Variants in RNF144A observed in about 807,000 individuals in gnomAD.
RNF144A encodes ring finger protein 144A, also known as E3 ubiquitin-protein ligase RNF144A.
RNF144A carries 11 observed loss-of-function variants against 38.7 expected under a neutral mutation model. The ratio of observed to expected loss-of-function variants is 0.28; its 90% CI spans 0.18 to 0.47. The LOEUF (loss-of-function observed/expected upper bound fraction) is 0.47, where lower values mean the gene tolerates loss of function less well. RNF144A is among the 20% of genes least tolerant of loss of function. The pLI is 0.99. For synonymous variants in RNF144A, 149 were observed against 143.9 expected, an observed-to-expected ratio of 1.04 and a Z score of -0.25; for missense variants, 316 against 377.2, an observed-to-expected ratio of 0.84 and a Z score of 1.34.
rs766398873 is a variant in RNF144A, at chr2:7,020,647, C to T, written c.476C>T (p.Thr159Ile). 1.9e-6 allele frequency: 3 copies of T among 1,606,320 alleles called. No individual in the cohort carries two copies. Among genetic ancestry groups the T allele is most frequent in the Non-Finnish European group, 2.5e-6 (3 of 1,179,980 alleles). ...CACCCTGGCCAGGGCTGCCCGGAGACCATGCCGATCACCTTCCTCCCCGGG... is the reference window on the plus strand; with the variant it reads ...CACCCTGGCCAGGGCTGCCCGGAGATCATGCCGATCACCTTCCTCCCCGGG... ...SWHPGQGCPETMPITFLPGET... is the reference protein window; with the variant it reads ...SWHPGQGCPEIMPITFLPGET... The change falls in exon 6 of 9, where the codon ACC becomes ATC. Residue 159 changes from threonine to isoleucine, a missense_variant. Physicochemically the swap from Thr to Ile is moderately conservative, Grantham distance 89. Transcript: ENST00000320892.
chr2:7,066,334 A>G lies in RNF144A; in HGVS notation c.735-1882A>G, dbSNP rs568562873. 5.9e-5 allele frequency among the ~76,000 whole-genome samples: 9 copies of G among 152,028 alleles called. No homozygotes were observed. In the East Asian group the frequency reaches 7.8e-4, roughly 13 times the overall value. ...GATCTCCTGACCTCGTGATCTGCCC[A>G]CCTCAGCCTCCCAAAGTGCTGGGAT... On this transcript the variant is annotated intron_variant, in intron 6 of 6. Transcript: ENST00000432850.
intron 5 of RNF144A, among the ~76,000 whole-genome samples, chr2:7,017,254 C>T (rs1016413774): frequency 2.0e-5 from 3 of 152,006 alleles, no homozygotes; most frequent in Non-Finnish European, 4.4e-5. Context: ...CCATGCCAGC[C>T]CAGTGCCTGG....
intron 6 of RNF144A, among the ~76,000 whole-genome samples, chr2:7,056,081 A>G (rs1016663560): frequency 6.6e-6 from 1 of 151,996 alleles, no homozygotes; most frequent in Non-Finnish European, 1.5e-5. Context: ...TCTCACCCAT[A>G]AAACTGATTT....
At chr2:7,036,233 A>G (rs1249031212) in intron 8 of RNF144A, among the ~76,000 whole-genome samples, 2 of 152,232 alleles carry the variant, frequency 1.3e-5, no homozygotes, top group African/African-American at 4.8e-5. Context: ...TCCTTAGGAC[A>G]TCAGCATCTG....
At chr2:6,940,416 G>T (rs934020546) in intron 1 of RNF144A, among the ~76,000 whole-genome samples, 1 of 152,080 alleles carries the variant, frequency 6.6e-6, no homozygotes, top group African/African-American at 2.4e-5. Context: ...ACCATTTAGC[G>T]TAATTACTGA....
chr2:7,070,894 G>A (rs1051236878), downstream of RNF144A, among the ~76,000 whole-genome samples: 2 of 151,584 alleles, frequency 1.3e-5, no homozygotes, highest in Middle Eastern at 3.5e-3. Flanking sequence ...AGAACTGTGT[G>A]CCAATACATT....
rs147256607 is a variant in RNF144A at position 6,959,571 on chromosome 2, G to T, written c.-12+18424G>T. Among the ~76,000 whole-genome samples, 119 of 152,276 alleles carry T rather than the reference G, an allele frequency of 7.8e-4. No individual in the cohort carries two copies. The East Asian group carries it at 0.021, about 27-fold the overall frequency. On this transcript the variant is annotated intron_variant, in intron 2 of 8. Transcript: ENST00000320892. ...GGTGACCTCATGGGGTGGGCTGTTG[G>T]TGAGGGGCCTCACGCGGCATCATAG...
intron 2 of RNF144A, among the ~76,000 whole-genome samples, chr2:6,953,791 A>G (rs1558379842): frequency 6.6e-6 from 1 of 152,172 alleles, no homozygotes; most frequent in Non-Finnish European, 1.5e-5. Context: ...CATATTTTCT[A>G]CATTTTCACT....
intron 8 of RNF144A, 136 bp from the exon 9 acceptor site, chr2:7,039,493 T>G: frequency 2.8e-6 from 4 of 1,424,270 alleles, no homozygotes; most frequent in Non-Finnish European, 3.8e-6. Context: ...GATGGGTAGA[T>G]GGATGGATGG....
intron 2 of RNF144A, among the ~76,000 whole-genome samples, chr2:6,953,063 C>T (rs571271495): frequency 7.2e-5 from 11 of 152,162 alleles, no homozygotes; most frequent in South Asian, 6.2e-4. Context: ...GCTTTTCTTA[C>T]TTTTTCAGCT....
chr2:7,052,902 C>T (rs900376969), intron 6 of RNF144A, among the ~76,000 whole-genome samples: 1 of 152,052 alleles, frequency 6.6e-6, no homozygotes, highest in African/African-American at 2.4e-5. Flanking sequence ...TGGGAAGTTT[C>T]CTTTATTTCG....
In RNF144A at chr2:7,056,812, CT is replaced by C. The variant is rs1321596548; in HGVS notation, c.735-11402del. Among the ~76,000 whole-genome samples, 10 of 152,316 alleles carry C rather than the reference CT, an allele frequency of 6.6e-5. No individual in the cohort carries two copies. In the East Asian group the frequency reaches 1.7e-3, roughly 26 times the overall value. On this transcript the variant is annotated intron_variant, in intron 6 of 6. Transcript: ENST00000432850. Reference sequence around the variant, plus strand: ...TCAATACCTACTTTGGAGGCATCTCCTTGTGGCTTCCTTGTTTGTGTATCTC... The same window carrying C: ...TCAATACCTACTTTGGAGGCATCTCCTGTGGCTTCCTTGTTTGTGTATCTC...
At chr2:6,983,143 T>C (rs1668741630) in intron 2 of RNF144A, among the ~76,000 whole-genome samples, 1 of 152,218 alleles carries the variant, frequency 6.6e-6, no homozygotes, top group Admixed American at 6.5e-5. Flanking sequence ...ACTGCTTCCT[T>C]TGCTAAAGAT....
At chr2:7,032,271 G>A (rs912541535) in intron 8 of RNF144A, among the ~76,000 whole-genome samples, 2 of 148,036 alleles carry the variant, frequency 1.4e-5, no homozygotes, top group Admixed American at 6.7e-5. Context: ...GCTGGAATCC[G>A]CGCCCCTTGC....
intron 2 of RNF144A, among the ~76,000 whole-genome samples, chr2:6,961,566 C>T (rs1457394630): frequency 6.6e-6 from 1 of 152,088 alleles, no homozygotes; most frequent in African/African-American, 2.4e-5. Flanking sequence ...ATCCTAAGGA[C>T]ATAATTTATA....
chr2:6,922,677 T>A lies in RNF144A; in HGVS notation c.-212+5055T>A, dbSNP rs559987890. 3.5e-3 allele frequency among the ~76,000 whole-genome samples: 513 copies of A among 147,596 alleles called. 5 individuals are homozygous for A. The highest frequency in any genetic ancestry group is 0.013 in the African/African-American group (499 of 39,746). On this transcript the variant is annotated intron_variant, in intron 1 of 8. Transcript: ENST00000320892. ...TCTCACTTTGTCGCCCAGGCTGGAG[T>A]GTAGTGGTGCAATCTCAGCTCACTG...
chr2:6,985,376 C>T (rs750597198), intron 2 of RNF144A, among the ~76,000 whole-genome samples: 24 of 150,072 alleles, frequency 1.6e-4, no homozygotes, highest in Non-Finnish European at 3.4e-4. Flanking sequence ...CCCTTGGTGG[C>T]CATTCTTCCC....
At chr2:7,009,505 T>A (rs1303910074) in intron 3 of RNF144A, among the ~76,000 whole-genome samples, 1 of 146,334 alleles carries the variant, frequency 6.8e-6, no homozygotes, top group Middle Eastern at 3.2e-3. Flanking sequence ...TGGGAGCGTT[T>A]ATTTTACGCA....
rs146015533 is a variant in RNF144A, at chr2:6,966,670, G to A, written c.-12+25523G>A. On this transcript the variant is annotated intron_variant, in intron 2 of 8. Transcript: ENST00000320892. ...TGCGTTTTGAAATACAGTAAATATTGGCATGAGAAGGGGAGTGACTTAGGG... is the reference window on the plus strand; with the variant it reads ...TGCGTTTTGAAATACAGTAAATATTAGCATGAGAAGGGGAGTGACTTAGGG... Among the ~76,000 whole-genome samples the A allele has an allele frequency of 3.2e-4, 49 of 152,294 alleles. 1 individual carries two copies. Among genetic ancestry groups the A allele is most frequent in the African/African-American group, 1.2e-3 (48 of 41,548 alleles).
Sources: gnomAD v4.1 joint callset for allele counts (sites outside exome capture counted in the v4.1 genomes callset) on GRCh38, gnomAD v4.1.1 for gene constraint, MANE v1.5 for transcripts, NCBI Gene and HGNC (gene_info 2026-07-23, HGNC 2026-07-21) for gene names.